NELL2: variants seen among roughly 807,000 people sequenced by gnomAD.
NELL2 encodes the protein protein kinase C-binding protein NELL2.
A neutral mutation model predicts 109.6 loss-of-function variants in NELL2; 41 were observed. The observed-to-expected ratio is 0.37, with a 90% CI of 0.29 to 0.49. The LOEUF is 0.49. Ranked by LOEUF, NELL2 falls within the 20% of genes least tolerant of loss-of-function variation. NELL2 has a pLI of 0.98. For missense variants in NELL2, 900 were observed against 1,008.3 expected (o/e 0.89, Z 1.45); for synonymous variants, 355 against 344.7 (o/e 1.03, Z -0.33).
chr12:44,562,732 G>C (rs1943512512), intron 15 of NELL2, among the ~76,000 whole-genome samples: 1 of 152,226 alleles, frequency 6.6e-6, no homozygotes, highest in Non-Finnish European at 1.5e-5. Flanking sequence ...GTGTAAATTA[G>C]TTCAACCATT....
At chr12:44,611,065 C>G in intron 13 of NELL2, 95 bp from the exon 14 acceptor site, 1 of 1,226,078 alleles carries the variant, frequency 8.2e-7, no homozygotes, top group Non-Finnish European at 1.2e-6. Context: ...ATGGTAAATT[C>G]TTTCAACCAC....
At chr12:44,545,992 G>A (rs1942778884) in intron 15 of NELL2, among the ~76,000 whole-genome samples, 1 of 152,070 alleles carries the variant, frequency 6.6e-6, no homozygotes, top group South Asian at 2.1e-4. Flanking sequence ...TGGTGTCTTT[G>A]TATAATAGTT....
chr12:44,644,624 A>G (rs1387093730), intron 13 of NELL2, among the ~76,000 whole-genome samples: 1 of 77,734 alleles, frequency 1.3e-5, no homozygotes, highest in Non-Finnish European at 2.7e-5. Context: ...ATATATATAT[A>G]TACATACATA....
chr12:44,645,813 G>A (rs1423107555), intron 13 of NELL2, among the ~76,000 whole-genome samples: 1 of 152,160 alleles, frequency 6.6e-6, no homozygotes, highest in African/African-American at 2.4e-5. Context: ...CAGTTAGCAT[G>A]TGATAGGTCT....
intron 15 of NELL2, among the ~76,000 whole-genome samples, chr12:44,580,568 A>G (rs1944287529): frequency 6.6e-6 from 1 of 152,036 alleles, no homozygotes; most frequent in South Asian, 2.1e-4. Context: ...AATACAAAAA[A>G]TTAGTGTGGT....
At chr12:44,569,440 G>A (rs536384476) in intron 15 of NELL2, among the ~76,000 whole-genome samples, 3 of 152,132 alleles carry the variant, frequency 2.0e-5, no homozygotes, top group Admixed American at 6.6e-5. Flanking sequence ...CTGTTTTTGG[G>A]TCTTTGAGGA....
chr12:44,566,810 T>G (rs1252019484), intron 15 of NELL2, among the ~76,000 whole-genome samples: 1 of 152,112 alleles, frequency 6.6e-6, no homozygotes, highest in Non-Finnish European at 1.5e-5. Flanking sequence ...AGTACTCTAT[T>G]TACTATATGC....
chr12:44,797,136 G>A (rs1218904070), intron 3 of NELL2, among the ~76,000 whole-genome samples: 5 of 152,184 alleles, frequency 3.3e-5, no homozygotes, highest in African/African-American at 9.6e-5. Flanking sequence ...AAAGAGTTAG[G>A]GAGTTAAAAC....
At chr12:44,818,988 C>T (rs1348253726) in intron 2 of NELL2, among the ~76,000 whole-genome samples, 3 of 151,566 alleles carry the variant, frequency 2.0e-5, no homozygotes, top group Admixed American at 6.6e-5. Context: ...ATGATCCACC[C>T]GCCTCGGCCT....
intron 13 of NELL2, among the ~76,000 whole-genome samples, chr12:44,615,301 C>G (rs1945779893): frequency 6.6e-6 from 1 of 151,912 alleles, no homozygotes; most frequent in African/African-American, 2.4e-5. Flanking sequence ...TACTTTGTCT[C>G]TTTTGTTTTT....
intron 15 of NELL2, among the ~76,000 whole-genome samples, chr12:44,583,108 A>G (rs1201353700): frequency 6.6e-6 from 1 of 152,158 alleles, no homozygotes; most frequent in Non-Finnish European, 1.5e-5. Context: ...GTATTCTGTT[A>G]TAGCCACACA....
chr12:44,577,856 T>A (rs1001824837), intron 15 of NELL2, among the ~76,000 whole-genome samples: 6 of 152,186 alleles, frequency 3.9e-5, no homozygotes, highest in African/African-American at 1.4e-4. Flanking sequence ...GTAATTGCCC[T>A]GACTCTTAAC....
intron 13 of NELL2, among the ~76,000 whole-genome samples, chr12:44,630,080 C>T (rs1418348009): frequency 2.0e-5 from 3 of 152,166 alleles, no homozygotes; most frequent in Admixed American, 6.5e-5. Context: ...GCATATTTAA[C>T]ATTCTACCGC....
intron 11 of NELL2, 49 bp downstream of exon 11, chr12:44,711,243 T>C (rs1261115352): frequency 7.6e-7 from 1 of 1,307,722 alleles, no homozygotes; most frequent in South Asian, 1.2e-5. Flanking sequence ...TGTACTAGCC[T>C]ACTATAATAA....
intron 15 of NELL2, among the ~76,000 whole-genome samples, chr12:44,598,911 A>G (rs1040014628): frequency 2.6e-4 from 37 of 141,546 alleles, no homozygotes; most frequent in African/African-American, 9.1e-4. Context: ...TCTCTCTCTC[A>G]CGCACTCACA....
intron 12 of NELL2, among the ~76,000 whole-genome samples, chr12:44,667,459 T>C (rs1295923676): frequency 1.3e-5 from 2 of 152,186 alleles, no homozygotes; most frequent in East Asian, 1.9e-4. Context: ...CTTGGCAGTG[T>C]TGGAATAAAA....
chr12:44,797,946 TGATGGAATAAAATCATTCCATCCTA>T (rs71093826), intron 3 of NELL2, among the ~76,000 whole-genome samples: 3,534 of 40,668 alleles, frequency 0.087, 811 homozygotes, highest in Non-Finnish European at 0.16. Flanking sequence ...CTAGATGGAA[TGATGGAATAAAATCATTCCATCCTA>T]GATGGAATAA....
intron 3 of NELL2, among the ~76,000 whole-genome samples, chr12:44,789,447 C>T (rs565218116): frequency 2.4e-4 from 37 of 152,218 alleles, no homozygotes; most frequent in African/African-American, 8.2e-4. Flanking sequence ...CAAAGGAATA[C>T]CCTGTGGGAA....
In NELL2 at chr12:44,797,676, T is replaced by C. The variant is rs942143081; in HGVS notation, c.336-17654A>G. 5.9e-5 allele frequency among the ~76,000 whole-genome samples: 9 copies of C among 151,754 alleles called. No individual in the cohort carries two copies. In the East Asian group the frequency reaches 1.6e-3, roughly 26 times the overall value. On this transcript the variant is annotated intron_variant, in intron 3 of 19. Transcript: ENST00000429094. ...GGAAGAAAATTAAAATCATTAATGG[T>C]ATCGCTCCTTGAAGGTATCATTAAG...
Sources: allele counts gnomAD v4.1 joint callset (sites outside exome capture counted in the v4.1 genomes callset), GRCh38; gene constraint gnomAD v4.1.1; transcripts MANE v1.5; gene names NCBI Gene and HGNC (gene_info 2026-07-23, HGNC 2026-07-21).